The following PCDHGB6 variants were observed in gnomAD, a reference collection of about 807,000 sequenced individuals.
PCDHGB6 encodes protocadherin gamma subfamily B, 6, also known as protocadherin gamma-B6.
PCDHGB6 carries 51 observed loss-of-function variants against 59.1 expected under a neutral mutation model. The observed-to-expected ratio is 0.86, with a 90% CI of 0.69 to 1.09. PCDHGB6 has a LOEUF of 1.09. Ranked by LOEUF, PCDHGB6 falls within the 50% of genes least tolerant of loss-of-function variation. The pLI is 0.00. For synonymous variants in PCDHGB6, 466 were observed against 495.1 expected (o/e 0.94, Z 0.78); for missense variants, 1,148 against 1,205.1 (o/e 0.95, Z 0.70).
Position 141,486,092 on chromosome 5 carries a change from C to G in PCDHGB6, c.2419-8715C>G. ...TACTGGAAAGCTTACTCTTTTGGGG[C>G]CCCTAGACTTTGAGAGTGAGAATTA... On this transcript the variant is annotated intron_variant, in intron 1 of 3. Transcript: ENST00000520790. The surrounding 1 kb of genome is among the most constrained non-coding windows in gnomAD (Gnocchi z 5.0). The G allele has an allele frequency of 6.2e-7, 1 of 1,614,148 alleles. No individual in the cohort carries two copies. Among genetic ancestry groups the G allele is most frequent in the South Asian group, 1.1e-5 (1 of 91,080 alleles).
Position 141,421,478 on chromosome 5 carries a change from G to A in PCDHGB6, c.2418+10858G>A, listed in dbSNP as rs763769838. The A allele has an allele frequency of 2.5e-6, 4 of 1,614,012 alleles. No individual in the cohort carries two copies. In the African/African-American group the frequency reaches 4.0e-5, roughly 16 times the overall value. On this transcript the variant is annotated intron_variant, in intron 1 of 3. Coordinates refer to ENST00000520790, the MANE Select transcript of PCDHGB6 (RefSeq NM_018926.3). ...TTCGCTGTGAATCCGCGAAGCGGCA[G>A]CTTGATCACGGCAGGCAGGATAGAC... is the stretch of plus-strand genomic sequence containing the variant.
At chr5:141,467,924 G>A (rs2099154404) in intron 1 of PCDHGB6, among the ~76,000 whole-genome samples, 1 of 152,042 alleles carries the variant, frequency 6.6e-6, no homozygotes, top group Non-Finnish European at 1.5e-5. Context: ...CTCCCAAAAT[G>A]CTAGGATTAC....
At chr5:141,419,449 C>T (rs780917543) in intron 1 of PCDHGB6, 5 of 1,612,958 alleles carry the variant, frequency 3.1e-6, no homozygotes, top group Non-Finnish European at 4.2e-6. Context: ...CCTTCGAGCT[C>T]ACGCTGCAGG....
chr5:141,496,192 C>T (rs942276204), intron 2 of PCDHGB6, among the ~76,000 whole-genome samples: 1 of 152,098 alleles, frequency 6.6e-6, no homozygotes, highest in Non-Finnish European at 1.5e-5. Flanking sequence ...CCCAGCTGCT[C>T]ATTTCAATCT....
chr5:141,487,593 C>G lies in PCDHGB6; in HGVS notation c.2419-7214C>G. The G allele has an allele frequency of 6.2e-7, 1 of 1,614,206 alleles. No homozygotes were observed. Among genetic ancestry groups the G allele is most frequent in the African/African-American group, 1.3e-5 (1 of 75,062 alleles). On this transcript the variant is annotated intron_variant, in intron 1 of 3. Coordinates refer to ENST00000520790, the MANE Select transcript of PCDHGB6 (RefSeq NM_018926.3). This position sits in a 1 kb window ranked among gnomAD's most constrained non-coding sequence, Gnocchi z 5.0. ...CCTGTTCGCCCAAGCTGCCCACCCT[C>G]TGATCTTCTCTATGGGCTAGAGGTG...
At chr5:141,471,892 T>C (rs1429425311) in intron 1 of PCDHGB6, among the ~76,000 whole-genome samples, 1 of 152,166 alleles carries the variant, frequency 6.6e-6, no homozygotes, top group Admixed American at 6.6e-5. Context: ...GCTAGGAAGA[T>C]TGACTACAGA....
intron 1 of PCDHGB6, chr5:141,422,319 TAC>T: frequency 6.5e-7 from 1 of 1,548,220 alleles, no homozygotes; most frequent in Admixed American, 2.1e-5. Flanking sequence ...CTCCTCCAGG[TAC>T]AGTGATTGCT....
rs1453835891 is a variant in PCDHGB6 at position 141,477,494 on chromosome 5, T to G, written c.2419-17313T>G. On this transcript the variant is annotated intron_variant, in intron 1 of 3. Coordinates refer to ENST00000520790, the MANE Select transcript of PCDHGB6 (RefSeq NM_018926.3). The surrounding 1 kb of genome is among the most constrained non-coding windows in gnomAD (Gnocchi z 4.9). ...TGACAACCCTCCACAATCTTCTCAA[T>G]CTTCCTACGACGTTTACATTGAAGA... 1 of 1,614,088 alleles carries G rather than the reference T, an allele frequency of 6.2e-7. No individual in the cohort carries two copies.
At chr5:141,418,908 C>A in intron 1 of PCDHGB6, 1 of 1,613,932 alleles carries the variant, frequency 6.2e-7, no homozygotes, top group South Asian at 1.1e-5. Flanking sequence ...ATAATCATCA[C>A]GTCACTCTCT....
rs1379023118 is a variant in PCDHGB6, at chr5:141,487,609, G to A, written c.2419-7198G>A. ...GCCCACCCTCTGATCTTCTCTATGG[G>A]CTAGAGGTGAGACCTTTGCAGGCTC... On this transcript the variant is annotated intron_variant, in intron 1 of 3. Transcript: ENST00000520790. The surrounding 1 kb of genome is among the most constrained non-coding windows in gnomAD (Gnocchi z 5.0). 1 of 1,614,202 alleles carries A rather than the reference G, an allele frequency of 6.2e-7. No individual in the cohort carries two copies. The highest frequency in any genetic ancestry group is 1.1e-5 in the South Asian group (1 of 91,084).
intron 1 of PCDHGB6, among the ~76,000 whole-genome samples, chr5:141,481,950 T>C (rs1378337886): frequency 2.7e-5 from 4 of 146,216 alleles, no homozygotes; most frequent in Admixed American, 1.4e-4. Flanking sequence ...CCAGATGTGG[T>C]GGCAGGTGCC....
chr5:141,414,635 A>G (rs753834653), intron 1 of PCDHGB6: 72 of 1,613,866 alleles, frequency 4.5e-5, no homozygotes, highest in Admixed American at 2.0e-4. Flanking sequence ...GACAGCAAAG[A>G]GAATGCCCAG....
rs1429860093 is a variant in PCDHGB6, at chr5:141,487,828, C to A, written c.2419-6979C>A. 3 of 1,184,120 alleles carry A rather than the reference C, an allele frequency of 2.5e-6. No individual in the cohort carries two copies. The highest frequency in any genetic ancestry group is 1.5e-5 in the African/African-American group (1 of 64,540). The allele number at this position is 1,184,120 out of a possible 1,614,324, so 73.4% of individuals were successfully genotyped here. A position where few individuals can be genotyped will look rare whatever the true frequency, so the allele number is the denominator to read the frequency against. ...AGTTTAGCATTGGGGGCGGGTCATG[C>A]CTATATCTGAGTAAGAAATGAAAGT... On this transcript the variant is annotated intron_variant, in intron 1 of 3. Coordinates refer to ENST00000520790, the MANE Select transcript of PCDHGB6 (RefSeq NM_018926.3). The surrounding 1 kb of genome is among the most constrained non-coding windows in gnomAD (Gnocchi z 5.0).
intron 1 of PCDHGB6, among the ~76,000 whole-genome samples, chr5:141,483,203 A>G (rs940487337): frequency 6.6e-6 from 1 of 152,204 alleles, no homozygotes; most frequent in Admixed American, 6.5e-5. Flanking sequence ...ATTTTATTCC[A>G]TATAGATGAC....
chr5:141,485,744 G>T lies in PCDHGB6; in HGVS notation c.2419-9063G>T. 1 of 1,614,226 alleles carries T rather than the reference G, an allele frequency of 6.2e-7. No individual in the cohort carries two copies. Among genetic ancestry groups the T allele is most frequent in the Non-Finnish European group, 8.5e-7 (1 of 1,180,038 alleles). On this transcript the variant is annotated intron_variant, in intron 1 of 3. Transcript: ENST00000520790. The surrounding 1 kb of genome is among the most constrained non-coding windows in gnomAD (Gnocchi z 5.7). ...GAAGAAGCGCAGCGACGGCAGCCTG[G>T]TCCCAGAGCTGCTCCTGGAGAAGCC...
At position 141,465,539 on chromosome 5, in the gene PCDHGB6, T is replaced by C. The variant is rs2099105222; in HGVS notation, c.2419-29268T>C. On this transcript the variant is annotated intron_variant, in intron 1 of 3. Transcript: ENST00000520790. ...GATTCTGGGGAAGTTTTCCCAGGCA[T>C]TTTTTCTGCTGAAGCTTTGGTAACT... Among the ~76,000 whole-genome samples the C allele has an allele frequency of 2.0e-5, 3 of 152,178 alleles. No homozygotes were observed. In the South Asian group the frequency reaches 6.2e-4, roughly 32 times the overall value.
intron 1 of PCDHGB6, chr5:141,478,942 C>G: frequency 1.7e-6 from 1 of 579,218 alleles, no homozygotes; most frequent in Non-Finnish European, 2.9e-6. Context: ...TCTAGGAATA[C>G]AAAAACTACC....
intron 1 of PCDHGB6, among the ~76,000 whole-genome samples, chr5:141,473,132 T>C (rs2099314792): frequency 6.6e-6 from 1 of 152,230 alleles, no homozygotes; most frequent in Non-Finnish European, 1.5e-5. Context: ...TGGCAAACTA[T>C]ATTATCTCTT....
chr5:141,413,541 G>A, intron 1 of PCDHGB6: 1 of 1,613,904 alleles, frequency 6.2e-7, no homozygotes, highest in Non-Finnish European at 8.5e-7. Flanking sequence ...AACTTTTTGG[G>A]ATAGAAATAG....
Sources: gnomAD v4.1 joint callset for allele counts (sites outside exome capture counted in the v4.1 genomes callset) on GRCh38, gnomAD v4.1.1 for gene constraint, Gnocchi (gnomAD v3.1) non-coding constraint, MANE v1.5 for transcripts, NCBI Gene and HGNC (gene_info 2026-07-23, HGNC 2026-07-21) for gene names.